The following ODAD2 variants were observed in gnomAD, a reference collection of about 807,000 sequenced individuals.
The protein encoded by ODAD2 is outer dynein arm docking complex subunit 2, also known as outer dynein arm-docking complex subunit 2.
Under a neutral mutation model 106.8 loss-of-function variants are expected in ODAD2, and 89 were observed. The ratio of observed to expected loss-of-function variants is 0.83; its 90% CI spans 0.70 to 0.99. The LOEUF is 0.99. Among genes scored for constraint, ODAD2 ranks in the 50% least tolerant of loss-of-function variants. The pLI is 0.00. For synonymous variants in ODAD2, 404 were observed against 436.2 expected, an observed-to-expected ratio of 0.93 and a Z score of 0.92; for missense variants, 1,168 against 1,238.5, an observed-to-expected ratio of 0.94 and a Z score of 0.85.
At chr10:27,885,688 A>ATTAT (rs1239140397) in intron 17 of ODAD2, among the ~76,000 whole-genome samples, 2 of 53,048 alleles carry the variant, frequency 3.8e-5, no homozygotes, top group Non-Finnish European at 6.4e-5. Context: ...TATAATATAT[A>ATTAT]ATATATAATA....
intron 2 of ODAD2, among the ~76,000 whole-genome samples, chr10:27,992,178 C>T (rs553009807): frequency 1.2e-4 from 19 of 152,228 alleles, no homozygotes; most frequent in African/African-American, 4.6e-4. Flanking sequence ...TTTTCATCAG[C>T]GCCAGGCAAG....
chr10:27,814,979 C>A (rs778074057), intron 19 of ODAD2, among the ~76,000 whole-genome samples: 2 of 152,274 alleles, frequency 1.3e-5, no homozygotes, highest in Non-Finnish European at 2.9e-5. Context: ...CTTTCCAATG[C>A]CTATTTTAAA....
chr10:27,946,935 C>G (rs953378809), intron 10 of ODAD2, among the ~76,000 whole-genome samples: 1 of 152,204 alleles, frequency 6.6e-6, no homozygotes, highest in African/African-American at 2.4e-5. Context: ...GAAATGTCCT[C>G]AACAACTGTC....
chr10:27,901,313 G>C (rs572361018), intron 17 of ODAD2, among the ~76,000 whole-genome samples: 1 of 152,246 alleles, frequency 6.6e-6, no homozygotes, highest in African/African-American at 2.4e-5. Flanking sequence ...CCTGAAGGAA[G>C]CACTAAATTT....
chr10:27,994,800 T>C (rs1019368394), intron 2 of ODAD2, 119 bp downstream of exon 2: 40 of 1,071,768 alleles, frequency 3.7e-5, no homozygotes, highest in Admixed American at 1.9e-4. Context: ...TTTCATTCCC[T>C]GGTTTAGAGG....
chr10:27,996,072 C>T (rs1262024637), intron 1 of ODAD2, among the ~76,000 whole-genome samples: 1 of 152,192 alleles, frequency 6.6e-6, no homozygotes, highest in African/African-American at 2.4e-5. Context: ...GTAACAAAAT[C>T]TGTAACGTTA....
At chr10:27,988,337 C>CTTTTT (rs5784035) in intron 2 of ODAD2, among the ~76,000 whole-genome samples, 1 of 128,792 alleles carries the variant, frequency 7.8e-6, no homozygotes, top group East Asian at 2.3e-4. Flanking sequence ...CCTGATCTAG[C>CTTTTT]TTTTTTTTTT....
Position 27,854,061 on chromosome 10 carries a change from A to G in ODAD2, c.3021+6564T>C, listed in dbSNP as rs563848667. On this transcript the variant is annotated intron_variant, in intron 19 of 19. Transcript: ENST00000305242. ...AATGATAAGAAAACAACCTAATTAAAAAGTGGTCAAAAATGTGAACACTTT... is the reference window on the plus strand; with the variant it reads ...AATGATAAGAAAACAACCTAATTAAGAAGTGGTCAAAAATGTGAACACTTT... Among the ~76,000 whole-genome samples the G allele has an allele frequency of 3.3e-5, 5 of 152,312 alleles. No homozygotes were observed. In the South Asian group the frequency reaches 1.0e-3, roughly 32 times the overall value.
At chr10:27,959,491 C>T (rs78455465) in intron 10 of ODAD2, among the ~76,000 whole-genome samples, 2 of 152,096 alleles carry the variant, frequency 1.3e-5, no homozygotes, top group East Asian at 3.9e-4. Flanking sequence ...GCCTAAATGT[C>T]CCAAAGCTGG....
At chr10:27,937,646 T>C (rs561964012) in intron 14 of ODAD2, among the ~76,000 whole-genome samples, 1 of 152,282 alleles carries the variant, frequency 6.6e-6, no homozygotes, top group African/African-American at 2.4e-5. Flanking sequence ...GACTTGGCAA[T>C]TACTCCAAGC....
At chr10:27,861,873 G>C (rs531291933) in intron 18 of ODAD2, among the ~76,000 whole-genome samples, 1 of 152,148 alleles carries the variant, frequency 6.6e-6, no homozygotes, top group Non-Finnish European at 1.5e-5. Flanking sequence ...CATCCTTCCA[G>C]GGTTTGAATT....
intron 10 of ODAD2, among the ~76,000 whole-genome samples, chr10:27,957,913 A>C (rs1218312470): frequency 6.6e-6 from 1 of 152,152 alleles, no homozygotes; most frequent in African/African-American, 2.4e-5. Context: ...GTCAACATGA[A>C]TATTTCTCTG....
intron 16 of ODAD2, among the ~76,000 whole-genome samples, chr10:27,913,125 T>C (rs549688407): frequency 6.6e-6 from 1 of 152,230 alleles, no homozygotes; most frequent in South Asian, 2.1e-4. Context: ...AGTAAATATG[T>C]TTCTCCTTTT....
At chr10:27,880,497 T>C (rs79288310) in intron 17 of ODAD2, among the ~76,000 whole-genome samples, 8,785 of 152,246 alleles carry the variant, frequency 0.058, 328 homozygotes, top group East Asian at 0.13. Context: ...GGTTTGAATG[T>C]TTATGTCCCC....
chr10:27,876,779 C>T (rs1282722086), intron 17 of ODAD2, among the ~76,000 whole-genome samples: 1 of 152,192 alleles, frequency 6.6e-6, no homozygotes, highest in Non-Finnish European at 1.5e-5. Context: ...AGCACACTTT[C>T]CAGTACACTT....
chr10:27,973,324 T>A (rs1303461059), intron 7 of ODAD2, among the ~76,000 whole-genome samples: 1 of 152,110 alleles, frequency 6.6e-6, no homozygotes, highest in East Asian at 1.9e-4. Flanking sequence ...CAAAACCCCA[T>A]CTGTACCAAA....
chr10:27,843,986 G>A (rs57657796), intron 19 of ODAD2, among the ~76,000 whole-genome samples: 8,213 of 152,122 alleles, frequency 0.054, 320 homozygotes, highest in East Asian at 0.17. Context: ...GATTGCTTGA[G>A]GCTGAGTTCA....
At chr10:27,909,010 T>C (rs757368578) in intron 16 of ODAD2, among the ~76,000 whole-genome samples, 33 of 152,336 alleles carry the variant, frequency 2.2e-4, no homozygotes, top group Middle Eastern at 3.4e-3. Context: ...AACAGTTTTA[T>C]TTCTCAATTA....
At chr10:27,901,653 G>T (rs752503685) in intron 17 of ODAD2, among the ~76,000 whole-genome samples, 4 of 152,020 alleles carry the variant, frequency 2.6e-5, no homozygotes, top group African/African-American at 9.7e-5. Context: ...AAAAGCAGGG[G>T]TTGCAATCCT....
Sources: gnomAD v4.1 joint callset for allele counts (sites outside exome capture counted in the v4.1 genomes callset) on GRCh38, gnomAD v4.1.1 for gene constraint, MANE v1.5 for transcripts, NCBI Gene and HGNC (gene_info 2026-07-23, HGNC 2026-07-21) for gene names.